The following MYH9 variants were observed in gnomAD, a reference collection of about 807,000 sequenced individuals.
MYH9 encodes the protein myosin-9.
A neutral mutation model predicts 241.9 loss-of-function variants in MYH9; 29 were observed. That is an observed-to-expected ratio of 0.12 (90% CI 0.09 to 0.16). MYH9 has a LOEUF of 0.16. MYH9 is among the 10% of genes least tolerant of loss of function. MYH9 has a pLI of 1.00. For missense variants in MYH9, 1,803 were observed against 2,595.5 expected, an observed-to-expected ratio of 0.69 and a Z score of 6.63; for synonymous variants, 1,047 against 1,062.6, an observed-to-expected ratio of 0.99 and a Z score of 0.29.
intron 1 of MYH9, among the ~76,000 whole-genome samples, chr22:36,387,033 TGCATTCCGG>T (rs2018363071): frequency 1.3e-5 from 2 of 152,190 alleles, no homozygotes; most frequent in African/African-American, 4.8e-5. Flanking sequence ...CGACGGCTGC[TGCATTCCGG>T]GCCTCCCTCC....
intron 14 of MYH9, among the ~76,000 whole-genome samples, 197 bp from the exon 15 acceptor site, chr22:36,309,593 C>T (rs576026440): frequency 4.6e-5 from 7 of 152,346 alleles, no homozygotes; most frequent in South Asian, 2.1e-4. Context: ...TGCGGCGTCT[C>T]GTGCAGAGCC....
intron 4 of MYH9, among the ~76,000 whole-genome samples, chr22:36,327,033 T>C (rs1439783582): frequency 6.6e-6 from 1 of 152,240 alleles, no homozygotes; most frequent in Non-Finnish European, 1.5e-5. Flanking sequence ...ATTAACTCTC[T>C]TGGCAATGGG....
chr22:36,290,840 C>T (rs1411089702), intron 31 of MYH9, among the ~76,000 whole-genome samples: 1 of 151,900 alleles, frequency 6.6e-6, no homozygotes, highest in Non-Finnish European at 1.5e-5. Context: ...CCAGTGGCGA[C>T]CCCGTCTGGG....
chr22:36,284,175 T>G lies in MYH9; in HGVS notation c.5683A>C (p.Lys1895Gln), dbSNP rs1180813769. Residue 1895 changes from lysine (K) to glutamine (Q), a missense_variant, in exon 40 of 41, where the codon AAA (lysine) becomes CAA (glutamine). Coordinates refer to ENST00000216181, the MANE Select transcript of MYH9 (RefSeq NM_002473.6). ...GCGTCCTCCAGCTCGCGCTGCAGTT[T>G]CCGGCGGGAGGCGTTGGCCCGCTGG... Reference protein sequence around the residue: ...EAQRANASRRKLQRELEDATE... With the variant: ...EAQRANASRRQLQRELEDATE... 1 of 1,613,932 alleles carries G rather than the reference T, an allele frequency of 6.2e-7. No individual in the cohort carries two copies. The highest frequency in any genetic ancestry group is 8.5e-7 in the Non-Finnish European group (1 of 1,179,994).
chr22:36,382,085 C>A (rs2018265374), intron 1 of MYH9, among the ~76,000 whole-genome samples: 1 of 152,118 alleles, frequency 6.6e-6, no homozygotes, highest in African/African-American at 2.4e-5. Flanking sequence ...CCATTGGCCT[C>A]CCAAAGTGCT....
intron 1 of MYH9, among the ~76,000 whole-genome samples, chr22:36,359,749 C>T (rs1331683676): frequency 6.6e-6 from 1 of 152,170 alleles, no homozygotes; most frequent in Non-Finnish European, 1.5e-5. Flanking sequence ...ATGAGAAGGT[C>T]GTGTGCCCTC....
At chr22:36,381,407 C>G (rs1033123244) in intron 1 of MYH9, among the ~76,000 whole-genome samples, 1 of 151,772 alleles carries the variant, frequency 6.6e-6, no homozygotes, top group East Asian at 1.9e-4. Flanking sequence ...ATCCCAGCTA[C>G]TCAGGAGGCT....
Position 36,294,103 on chromosome 22 carries a change from T to A in MYH9, c.3826A>T (p.Thr1276Ser). The change falls in exon 28 of 41, where the codon ACC (threonine) becomes TCC (serine). Residue 1276 changes from threonine (T) to serine (S), a missense_variant. Physicochemically the swap from Thr to Ser is moderately conservative, Grantham distance 58. This residue lies in a region of MYH9 where 876 missense variants were observed against 1,077.8 expected (regional missense o/e 0.81). Transcript: ENST00000216181. ...RVRTELADKVTKLQVELDNVT... is the reference protein window; with the variant it reads ...RVRTELADKVSKLQVELDNVT... The stretch of plus-strand genomic sequence containing the variant: ...GGCGGAGGCCTCACCTGCAGCTTGG[T>A]GACCTTGTCGGCCAGCTCTGTGCGC... 3 of 1,609,142 alleles carry A rather than the reference T, an allele frequency of 1.9e-6. No homozygotes were observed. The highest frequency in any genetic ancestry group is 2.5e-6 in the Non-Finnish European group (3 of 1,179,898).
chr22:36,307,322 C>A (rs2016985717), intron 15 of MYH9, among the ~76,000 whole-genome samples: 1 of 152,198 alleles, frequency 6.6e-6, no homozygotes, highest in South Asian at 2.1e-4. Flanking sequence ...GGAACTCACA[C>A]CCAGCAGCAA....
intron 13 of MYH9, among the ~76,000 whole-genome samples, chr22:36,313,431 G>A (rs1253288500): frequency 3.3e-5 from 4 of 122,254 alleles, no homozygotes; most frequent in South Asian, 2.6e-4. Flanking sequence ...CAGCCTGGGC[G>A]ACAGAGCGAG....
At chr22:36,353,838 C>T (rs1223515146) in intron 1 of MYH9, among the ~76,000 whole-genome samples, 2 of 152,140 alleles carry the variant, frequency 1.3e-5, no homozygotes, top group Non-Finnish European at 2.9e-5. Flanking sequence ...AGGCAGAGGA[C>T]AGAGTTTCAG....
intron 3 of MYH9, among the ~76,000 whole-genome samples, chr22:36,328,056 C>T (rs546252340): frequency 3.1e-4 from 47 of 152,352 alleles, no homozygotes; most frequent in African/African-American, 1.1e-3. Flanking sequence ...CTCCCTCCTC[C>T]GCAGCGTGGG....
rs114881961 is a variant in MYH9 at position 36,283,163 on chromosome 22, A to G, written c.5766-378T>C. Among the ~76,000 whole-genome samples, 648 of 152,314 alleles carry G rather than the reference A, an allele frequency of 4.3e-3. 6 individuals are homozygous for G. The highest frequency in any genetic ancestry group is 0.013 in the African/African-American group (529 of 41,552). ...GGTAAACAGGTGTGCCTGTTCACAC[A>G]GAGTACAAAGACAGGCACCCTCTTT... On this transcript the variant is annotated intron_variant, in intron 40 of 40. Coordinates refer to ENST00000216181, the MANE Select transcript of MYH9 (RefSeq NM_002473.6).
intron 20 of MYH9, 178 bp downstream of exon 20, chr22:36,302,390 G>GT: frequency 1.7e-6 from 1 of 589,254 alleles, no homozygotes; most frequent in Non-Finnish European, 3.1e-6. Flanking sequence ...GCTCATGCCT[G>GT]TAATTCCAGC....
chr22:36,357,163 A>G (rs1415974118), intron 1 of MYH9, among the ~76,000 whole-genome samples: 1 of 152,242 alleles, frequency 6.6e-6, no homozygotes, highest in Non-Finnish European at 1.5e-5. Context: ...GGAGAGGAAC[A>G]TGCAACTTGC....
chr22:36,304,263 G>A, intron 18 of MYH9, 108 bp from the exon 19 acceptor site: 1 of 1,197,484 alleles, frequency 8.4e-7, no homozygotes. Context: ...CTTCTCACTG[G>A]CTGACGAGCA....
At position 36,285,164 on chromosome 22, in the gene MYH9, C is replaced by A. The variant is rs1177594750; in HGVS notation, c.5440G>T (p.Ala1814Ser). ...KYKASITALE[A>S]KIAQLEEQLD... is the part of the protein sequence containing the mutation. ...TGCTCCTCCAGCTGTGCAATCTTGGCCTCGAGGGCGGTGATGGAGGCCTTG... is the reference window on the plus strand; with the variant it reads ...TGCTCCTCCAGCTGTGCAATCTTGGACTCGAGGGCGGTGATGGAGGCCTTG... The change falls in exon 38 of 41, where the codon GCC becomes TCC. Residue 1814 changes from alanine (A) to serine (S), a missense_variant. Around this residue, in one of 11 missense-constraint regions of MYH9, gnomAD observed 876 missense variants for 1,077.8 expected, o/e 0.81. Transcript: ENST00000216181. This position sits in a 1 kb window ranked among gnomAD's most constrained non-coding sequence, Gnocchi z 7.0. 2 of 1,614,154 alleles carry A rather than the reference C, an allele frequency of 1.2e-6. No homozygotes were observed. Among genetic ancestry groups the A allele is most frequent in the East Asian group, 4.5e-5 (2 of 44,876 alleles).
At chr22:36,314,909 G>A (rs535113835) in intron 12 of MYH9, among the ~76,000 whole-genome samples, 1 of 152,126 alleles carries the variant, frequency 6.6e-6, no homozygotes, top group East Asian at 1.9e-4. Context: ...TCAACCTCTC[G>A]AAGTGCTGGG....
intron 6 of MYH9, 128 bp from the exon 7 acceptor site, chr22:36,321,949 G>A (rs1397384107): frequency 2.1e-5 from 18 of 862,808 alleles, no homozygotes; most frequent in South Asian, 2.7e-5. Context: ...ACCCAGAGAC[G>A]GGACCCATGT....
Sources: allele counts gnomAD v4.1 joint callset (sites outside exome capture counted in the v4.1 genomes callset), GRCh38; gene constraint gnomAD v4.1.1; regional missense constraint gnomAD v4.1.1; non-coding constraint Gnocchi (gnomAD v3.1); transcripts MANE v1.5; gene names NCBI Gene and HGNC (gene_info 2026-07-23, HGNC 2026-07-21).